The following THTPA variants were observed in gnomAD, a reference collection of about 807,000 sequenced individuals.
THTPA encodes thiamine-triphosphatase.
In THTPA, 16 loss-of-function variants were observed where a neutral mutation model predicts 16.5. The observed-to-expected ratio is 0.97, with a 90% CI of 0.66 to 1.47. The LOEUF (loss-of-function observed/expected upper bound fraction) is 1.47. Among genes scored for constraint, THTPA ranks in the 40% most tolerant of loss-of-function variants. THTPA has a pLI of 0.00. For synonymous variants in THTPA, 110 were observed against 115.5 expected, an observed-to-expected ratio of 0.95 and a Z score of 0.30; for missense variants, 281 against 280.9, an observed-to-expected ratio of 1.00 and a Z score of 0.00.
At chr14:23,514,127 TG>T in the THTPA span, 1 of 152,354 alleles carries the variant, frequency 6.6e-6, no homozygotes, top group Non-Finnish European at 1.5e-5. Context: ...AGGTTGACAG[TG>T]CCTCTTGCCA....
At chr14:23,527,509 C>G in the THTPA span, 1 of 1,470,138 alleles carries the variant, frequency 6.8e-7, no homozygotes, top group Non-Finnish European at 9.1e-7. Flanking sequence ...CTGCCCCCAA[C>G]ACATGCACCT....
chr14:23,512,129 C>T, the THTPA span, among the ~76,000 whole-genome samples: 2 of 152,102 alleles, frequency 1.3e-5, no homozygotes, highest in Non-Finnish European at 2.9e-5. Flanking sequence ...TAATTAGCAT[C>T]CACGATTTAA....
upstream of THTPA, among the ~76,000 whole-genome samples, chr14:23,555,490 C>T (rs1310146109): frequency 6.6e-6 from 1 of 152,170 alleles, no homozygotes; most frequent in Non-Finnish European, 1.5e-5. Context: ...CTATTCCTGT[C>T]TCCATCTAGG....
chr14:23,513,278 A>T, the THTPA span: 2 of 151,758 alleles, frequency 1.3e-5, no homozygotes, highest in Non-Finnish European at 2.9e-5. Context: ...CCGCCCGCCT[A>T]CCCACCCAAT....
chr14:23,550,086 T>C, the THTPA span, among the ~76,000 whole-genome samples: 1 of 151,306 alleles, frequency 6.6e-6, no homozygotes, highest in African/African-American at 2.4e-5. Flanking sequence ...AGGGAAGAGG[T>C]TTTGTTGTGC....
chr14:23,520,662 C>T, the THTPA span, among the ~76,000 whole-genome samples: 3 of 152,080 alleles, frequency 2.0e-5, no homozygotes, highest in Admixed American at 1.3e-4. This position sits in a 1 kb window ranked among gnomAD's most constrained non-coding sequence, Gnocchi z 8.7. Context: ...ATCGCCAGCT[C>T]CCACCTTGGA....
the THTPA span, among the ~76,000 whole-genome samples, chr14:23,538,589 C>T: frequency 6.6e-6 from 1 of 152,120 alleles, no homozygotes; most frequent in African/African-American, 2.4e-5. Context: ...TCCTCAGACC[C>T]ATCGCCATTC....
At chr14:23,529,853 G>C in the THTPA span, 675 of 1,380,190 alleles carry the variant, frequency 4.9e-4, 7 homozygotes, top group South Asian at 8.0e-3. Context: ...TAGGGAGTTG[G>C]GCACTAGAGA....
the THTPA span, chr14:23,526,245 C>T: frequency 2.0e-6 from 3 of 1,536,364 alleles, no homozygotes; most frequent in African/African-American, 4.1e-5. Flanking sequence ...GCACCGGCCT[C>T]TCCCCGTGCA....
At chr14:23,551,436 C>A, upstream of THTPA, 1 of 152,616 alleles carries the variant, frequency 6.6e-6, no homozygotes. This position sits in a 1 kb window ranked among gnomAD's most constrained non-coding sequence, Gnocchi z 5.3. Context: ...GGGACTTCTC[C>A]GATGTGTTGA....
chr14:23,558,824 A>C lies in THTPA; in HGVS notation c.677A>C (p.Asp226Ala), dbSNP rs761341334. 3.1e-6 allele frequency: 5 copies of C among 1,614,024 alleles called. No homozygotes were observed. In the South Asian group the frequency reaches 5.5e-5, roughly 18 times the overall value. The change falls in exon 2 of 2, where the codon GAC becomes GCC. Residue 226 changes from aspartate to alanine, a missense_variant. Asp to Ala is a moderately radical substitution (Grantham distance 126). Coordinates refer to ENST00000288014, the MANE Select transcript of THTPA (RefSeq NM_024328.6). Reference protein sequence around the residue: ...RERPQETEDPDHCLG With the variant: ...RERPQETEDPAHCLG Reference sequence around the variant, plus strand: ...AGGCCACAGGAGACTGAAGATCCTGACCACTGCCTGGGCTAGGGGTGTCAC... The same window carrying C: ...AGGCCACAGGAGACTGAAGATCCTGCCCACTGCCTGGGCTAGGGGTGTCAC...
At chr14:23,530,121 C>T in the THTPA span, 25 of 1,535,848 alleles carry the variant, frequency 1.6e-5, no homozygotes, top group Non-Finnish European at 2.1e-5. Context: ...AAAACTCACC[C>T]AATTGTTCTG....
chr14:23,535,103 C>T, the THTPA span: 2 of 1,536,202 alleles, frequency 1.3e-6, no homozygotes, highest in African/African-American at 1.4e-5. The surrounding 1 kb of genome is among the most constrained non-coding windows in gnomAD (Gnocchi z 4.5). Context: ...TCCTGGGGCT[C>T]CCCAATCTCC....
At chr14:23,522,871 A>C in the THTPA span, 2 of 1,512,494 alleles carry the variant, frequency 1.3e-6, no homozygotes, top group South Asian at 2.5e-5. Context: ...CTGGGCCAGC[A>C]GTCTGGACCA....
the THTPA span, chr14:23,533,303 G>A: frequency 1.7e-5 from 24 of 1,436,882 alleles, no homozygotes; most frequent in South Asian, 5.9e-5. This position sits in a 1 kb window ranked among gnomAD's most constrained non-coding sequence, Gnocchi z 4.8. Flanking sequence ...GGGAACTTGC[G>A]GGCAGGTGCT....
chr14:23,528,891 G>C, the THTPA span: 2 of 944,246 alleles, frequency 2.1e-6, no homozygotes, highest in African/African-American at 3.5e-5. Context: ...ACAGGCCTGT[G>C]TGTCAGGGAG....
At chr14:23,534,500 C>T in the THTPA span, 1 of 1,536,218 alleles carries the variant, frequency 6.5e-7, no homozygotes, top group Admixed American at 2.0e-5. This position sits in a 1 kb window ranked among gnomAD's most constrained non-coding sequence, Gnocchi z 4.5. Context: ...TGGAGTACAG[C>T]TGGGCTACCT....
chr14:23,526,637 G>C, the THTPA span: 3 of 1,536,032 alleles, frequency 2.0e-6, no homozygotes, highest in Non-Finnish European at 2.6e-6. Flanking sequence ...GGGAGGCTCA[G>C]GAAGAGGATC....
At chr14:23,514,844 TAAC>T in the THTPA span, among the ~76,000 whole-genome samples, 1 of 152,044 alleles carries the variant, frequency 6.6e-6, no homozygotes, top group South Asian at 2.1e-4. Flanking sequence ...AGGATGCCCT[TAAC>T]AACTGGGCTG....
Sources: allele counts gnomAD v4.1 joint callset (sites outside exome capture counted in the v4.1 genomes callset), GRCh38; gene constraint gnomAD v4.1.1; non-coding constraint Gnocchi (gnomAD v3.1); transcripts MANE v1.5; gene names NCBI Gene and HGNC (gene_info 2026-07-23, HGNC 2026-07-21).